SIPA1L1: variants seen among roughly 807,000 people sequenced by gnomAD.
SIPA1L1 encodes signal induced proliferation associated 1 like 1.
A neutral mutation model predicts 162.7 loss-of-function variants in SIPA1L1; 26 were observed. That is an observed-to-expected ratio of 0.16 (90% confidence interval 0.12 to 0.22). The LOEUF (loss-of-function observed/expected upper bound fraction) is 0.22. Ranked by LOEUF, SIPA1L1 falls within the 10% of genes least tolerant of loss-of-function variation. SIPA1L1 has a pLI of 1.00. For synonymous variants in SIPA1L1, 829 were observed against 837.4 expected (o/e 0.99, Z 0.17); for missense variants, 1,874 against 2,241.0 (o/e 0.84, Z 3.31).
At chr14:71,394,512 G>A (rs1041742535) in intron 2 of SIPA1L1, among the ~76,000 whole-genome samples, 1 of 152,152 alleles carries the variant, frequency 6.6e-6, no homozygotes, top group African/African-American at 2.4e-5. Context: ...AATGTCTCTG[G>A]TGTGACGTCT....
At chr14:71,371,797 C>A (rs982294961) in intron 2 of SIPA1L1, among the ~76,000 whole-genome samples, 1 of 152,080 alleles carries the variant, frequency 6.6e-6, no homozygotes, top group Admixed American at 6.5e-5. Flanking sequence ...CAATAATGTT[C>A]ACTATAATTG....
chr14:71,400,264 C>T (rs760277916), intron 2 of SIPA1L1, among the ~76,000 whole-genome samples: 2 of 152,074 alleles, frequency 1.3e-5, no homozygotes, highest in Non-Finnish European at 2.9e-5. Flanking sequence ...GTGCTTTTCT[C>T]TGGGGGATTA....
chr14:71,564,891 C>G (rs1231688512), intron 4 of SIPA1L1, among the ~76,000 whole-genome samples: 1 of 152,140 alleles, frequency 6.6e-6, no homozygotes, highest in Admixed American at 6.6e-5. Context: ...AGGTTCTTAT[C>G]GTTACTTTTC....
chr14:71,708,715 A>G (rs2082659184), intron 16 of SIPA1L1, among the ~76,000 whole-genome samples: 1 of 152,128 alleles, frequency 6.6e-6, no homozygotes, highest in Non-Finnish European at 1.5e-5. Context: ...TTGCCTTGGT[A>G]CCTCTGTATA....
chr14:71,350,536 C>T (rs556692339), intron 2 of SIPA1L1, among the ~76,000 whole-genome samples: 34 of 152,204 alleles, frequency 2.2e-4, no homozygotes, highest in Middle Eastern at 3.4e-3. Flanking sequence ...GGCTTTTATA[C>T]GCCTAGGGGA....
chr14:71,560,455 G>A (rs922360608), intron 4 of SIPA1L1, among the ~76,000 whole-genome samples: 1 of 152,168 alleles, frequency 6.6e-6, no homozygotes, highest in Non-Finnish European at 1.5e-5. Context: ...GGAGGAAGAA[G>A]GGGGAGTAAG....
intron 2 of SIPA1L1, among the ~76,000 whole-genome samples, chr14:71,359,680 G>C (rs2037614846): frequency 6.6e-6 from 1 of 152,114 alleles, no homozygotes; most frequent in African/African-American, 2.4e-5. Flanking sequence ...TGACTTAATT[G>C]AGGATGGCAA....
At chr14:71,648,511 G>C (rs2042358787) in intron 7 of SIPA1L1, among the ~76,000 whole-genome samples, 1 of 152,154 alleles carries the variant, frequency 6.6e-6, no homozygotes, top group Non-Finnish European at 1.5e-5. Context: ...CAGGTTCGTA[G>C]TCCCTTAATA....
rs765306143 is a variant in SIPA1L1 at position 71,709,386 on chromosome 14, C to T, written c.3930C>T (p.Thr1310=). The change falls in exon 17 of 24, where the codon ACC becomes ACT. Residue 1310 remains threonine, a synonymous_variant. Coordinates refer to ENST00000381232, the MANE Select transcript of SIPA1L1 (RefSeq NM_001386936.1). ...CTGCTGACAGTGGCATTGACACCAC[C>T]TCTTATGGCCCCAGCCACGGCAGCA... The part of the protein sequence containing the change: ...GTSADSGIDT[T]SYGPSHGSTA... The T allele has an allele frequency of 6.2e-7, 1 of 1,614,230 alleles. No individual in the cohort carries two copies. Among genetic ancestry groups the T allele is most frequent in the Admixed American group, 1.7e-5 (1 of 60,026 alleles).
In SIPA1L1 at chr14:71,634,031, T is replaced by C. The variant is rs374347192; in HGVS notation, c.1818+9795T>C. 1.8e-4 allele frequency among the ~76,000 whole-genome samples: 27 copies of C among 149,488 alleles called. No homozygotes were observed. In the East Asian group the frequency reaches 4.9e-3, roughly 27 times the overall value. On this transcript the variant is annotated intron_variant, in intron 7 of 23. Transcript: ENST00000381232. Reference sequence around the variant, plus strand: ...AAGAAGTCCACAGCAAGAGACATCATAGTAAAATTTTTGAACACTAAATAC... The same window carrying C: ...AAGAAGTCCACAGCAAGAGACATCACAGTAAAATTTTTGAACACTAAATAC...
Position 71,723,893 on chromosome 14 carries a change from G to T in SIPA1L1, c.4448+7G>T, listed in dbSNP as rs763409645. The T allele has an allele frequency of 3.7e-6, 6 of 1,613,870 alleles. No homozygotes were observed. The highest frequency in any genetic ancestry group is 5.1e-6 in the Non-Finnish European group (6 of 1,179,810). On this transcript the variant is annotated splice_region_variant and intron_variant, in intron 18 of 23. Transcript: ENST00000381232. ...GATTTATGGACACGAGAAAGTAAGA[G>T]TTACTTTCCTTCCCTTGCTGGTGGC...
At chr14:71,605,851 A>C (rs1162603307) in intron 5 of SIPA1L1, among the ~76,000 whole-genome samples, 1 of 152,172 alleles carries the variant, frequency 6.6e-6, no homozygotes, top group Non-Finnish European at 1.5e-5. Context: ...TTCTGGGGCT[A>C]CAGGTAGCTT....
rs763896175 is a variant in SIPA1L1 at position 71,724,849 on chromosome 14, C to G, written c.4614+14C>G. 3.7e-6 allele frequency: 6 copies of G among 1,609,390 alleles called. No homozygotes were observed. The highest frequency in any genetic ancestry group is 1.7e-5 in the Admixed American group (1 of 59,066). On this transcript the variant is annotated intron_variant, in intron 19 of 23. Transcript: ENST00000381232. Reference sequence around the variant, plus strand: ...AAGAGTTTTAAGGTACAAGACAGAGCTCAGGGTAGATGGCAATTAGAAACA... The same window carrying G: ...AAGAGTTTTAAGGTACAAGACAGAGGTCAGGGTAGATGGCAATTAGAAACA...
intron 22 of SIPA1L1, among the ~76,000 whole-genome samples, chr14:71,736,094 C>T (rs1266954682): frequency 6.6e-6 from 1 of 152,194 alleles, no homozygotes; most frequent in East Asian, 1.9e-4. Flanking sequence ...TTTGAAATCT[C>T]TTCCCTTAAA....
At chr14:71,374,012 C>T (rs2039141764) in intron 2 of SIPA1L1, among the ~76,000 whole-genome samples, 1 of 152,306 alleles carries the variant, frequency 6.6e-6, no homozygotes, top group African/African-American at 2.4e-5. Flanking sequence ...CAGGGCAGCT[C>T]TGCTATGAAT....
At chr14:71,322,263 A>C (rs959119410) in intron 2 of SIPA1L1, among the ~76,000 whole-genome samples, 6 of 152,220 alleles carry the variant, frequency 3.9e-5, no homozygotes, top group African/African-American at 1.4e-4. Context: ...TTAAGTGTCA[A>C]CTTTCTCCTG....
At chr14:71,325,576 T>C (rs932139361) in intron 2 of SIPA1L1, among the ~76,000 whole-genome samples, 1 of 152,230 alleles carries the variant, frequency 6.6e-6, no homozygotes, top group Non-Finnish European at 1.5e-5. Context: ...TATTCTGGCC[T>C]GGAGAGAGTA....
chr14:71,537,651 G>A (rs1340092832), intron 4 of SIPA1L1, among the ~76,000 whole-genome samples: 1 of 151,916 alleles, frequency 6.6e-6, no homozygotes, highest in Admixed American at 6.6e-5. Context: ...GTGGGCGAGT[G>A]GGCTATCTTT....
intron 8 of SIPA1L1, among the ~76,000 whole-genome samples, chr14:71,655,173 CA>C (rs1428847817): frequency 6.6e-6 from 1 of 152,088 alleles, no homozygotes; most frequent in African/African-American, 2.4e-5. Flanking sequence ...TCTTTATGTT[CA>C]TGTGTACCCA....
Sources: gnomAD v4.1 joint callset for allele counts (sites outside exome capture counted in the v4.1 genomes callset) on GRCh38, gnomAD v4.1.1 for gene constraint, MANE v1.5 for transcripts, NCBI Gene and HGNC (gene_info 2026-07-23, HGNC 2026-07-21) for gene names.